Variants in TRPC6 observed in about 807,000 individuals in gnomAD.
TRPC6 encodes the protein short transient receptor potential channel 6.
In TRPC6, 55 loss-of-function variants were observed where a neutral mutation model predicts 90.7. That is an observed-to-expected ratio of 0.61 (90% CI 0.49 to 0.76). The LOEUF is 0.76. Ranked by LOEUF, TRPC6 falls within the 30% of genes least tolerant of loss-of-function variation. The pLI, the probability that TRPC6 is intolerant of heterozygous loss-of-function variation, is 0.00. For missense variants in TRPC6, 989 were observed against 1,122.7 expected (o/e 0.88, Z 1.70); for synonymous variants, 393 against 393.0 (o/e 1.00, Z 0.00).
At position 101,503,876 on chromosome 11, in the gene TRPC6, T is replaced by C. The variant is rs1438995703; in HGVS notation, c.945+148A>G. ...GTAGCGATCACAACTTTTGCTACAA[T>C]GATTATAATAAAGAGCTTGTTGAAT... On this transcript the variant is annotated intron_variant, in intron 2 of 12. Transcript: ENST00000344327. 4.0e-6 allele frequency: 4 copies of C among 998,818 alleles called. No homozygotes were observed. In the East Asian group the frequency reaches 7.5e-5, roughly 19 times the overall value. The allele number at this position is 998,818 out of a possible 1,614,324, so 61.9% of individuals were successfully genotyped here.
In TRPC6 at chr11:101,504,382, G is replaced by C; in HGVS notation, c.587C>G (p.Pro196Arg). 1.2e-6 allele frequency: 2 copies of C among 1,614,052 alleles called. No individual in the cohort carries two copies. The highest frequency in any genetic ancestry group is 1.7e-6 in the Non-Finnish European group (2 of 1,180,000). ...FAEGKRLATS[P>R]SQSELQQDDF... The stretch of plus-strand genomic sequence containing the variant: ...ATCTTGCTGGAGTTCAGACTGGCTA[G>C]GGCTGGTTGCTAACCTCTTGCCTTC... The change falls in exon 2 of 13, where the codon CCT becomes CGT. Residue 196 changes from proline to arginine, a missense_variant. By Grantham distance (103) the Pro-to-Arg change is moderately radical. Coordinates refer to ENST00000344327, the MANE Select transcript of TRPC6 (RefSeq NM_004621.6).
intron 1 of TRPC6, among the ~76,000 whole-genome samples, chr11:101,529,684 A>C (rs1860863647): frequency 6.6e-6 from 1 of 152,186 alleles, no homozygotes; most frequent in Non-Finnish European, 1.5e-5. Flanking sequence ...TGTTTTTATA[A>C]ATAATAAGTC....
chr11:101,555,470 T>C (rs1861541699), intron 1 of TRPC6, among the ~76,000 whole-genome samples: 1 of 152,224 alleles, frequency 6.6e-6, no homozygotes, highest in African/African-American at 2.4e-5. Context: ...TGAGCTGATA[T>C]ATTCTGCTCA....
chr11:101,548,198 C>G (rs893881919), intron 1 of TRPC6, among the ~76,000 whole-genome samples: 14 of 147,340 alleles, frequency 9.5e-5, no homozygotes, highest in Non-Finnish European at 1.6e-4. Context: ...GTATGCCAGG[C>G]ATTTAAAATT....
chr11:101,555,625 T>C (rs1482317281), intron 1 of TRPC6, among the ~76,000 whole-genome samples: 2 of 152,186 alleles, frequency 1.3e-5, no homozygotes, highest in African/African-American at 4.8e-5. Context: ...AACTTTATTT[T>C]TAGATGAACA....
intron 1 of TRPC6, among the ~76,000 whole-genome samples, chr11:101,574,067 T>C (rs749737193): frequency 1.3e-5 from 2 of 150,676 alleles, no homozygotes; most frequent in Non-Finnish European, 2.9e-5. Context: ...CTCTATGTAA[T>C]TGCAAACTCA....
intron 10 of TRPC6, among the ~76,000 whole-genome samples, chr11:101,457,229 T>C (rs1858904836): frequency 6.6e-6 from 1 of 152,164 alleles, no homozygotes; most frequent in Non-Finnish European, 1.5e-5. Flanking sequence ...CAAGCTTTGT[T>C]CCTAATATGG....
At chr11:101,456,381 G>A (rs1166320872) in intron 10 of TRPC6, among the ~76,000 whole-genome samples, 1 of 152,098 alleles carries the variant, frequency 6.6e-6, no homozygotes, top group Non-Finnish European at 1.5e-5. Context: ...ATAATATAAT[G>A]GGAACCCTGG....
intron 1 of TRPC6, among the ~76,000 whole-genome samples, chr11:101,554,404 AT>A (rs756007352): frequency 4.4e-5 from 5 of 113,908 alleles, no homozygotes; most frequent in Non-Finnish European, 8.7e-5. Context: ...AAGTAGAGCA[AT>A]AGTAAAAAAA....
intron 1 of TRPC6, among the ~76,000 whole-genome samples, chr11:101,563,558 A>C (rs1367825689): frequency 6.6e-6 from 1 of 152,052 alleles, no homozygotes; most frequent in Non-Finnish European, 1.5e-5. Context: ...TTTTTTATTA[A>C]TTTCTTGTTC....
chr11:101,560,988 A>G (rs1861699353), intron 1 of TRPC6, among the ~76,000 whole-genome samples: 1 of 152,214 alleles, frequency 6.6e-6, no homozygotes, highest in Non-Finnish European at 1.5e-5. Context: ...AGAGCATTCC[A>G]GTTTAATACC....
chr11:101,551,511 GA>G (rs78561503), intron 1 of TRPC6, among the ~76,000 whole-genome samples: 16,283 of 150,588 alleles, frequency 0.11, 1,627 homozygotes, highest in East Asian at 0.54. Flanking sequence ...ACATTCTTTA[GA>G]AAAAAAAACT....
intron 1 of TRPC6, among the ~76,000 whole-genome samples, chr11:101,571,061 G>A (rs986006453): frequency 2.6e-5 from 4 of 152,152 alleles, no homozygotes; most frequent in Non-Finnish European, 5.9e-5. Flanking sequence ...ATTCAATTTT[G>A]AAAACAGGAA....
At chr11:101,459,549 T>C (rs1858957475) in intron 10 of TRPC6, among the ~76,000 whole-genome samples, 2 of 152,232 alleles carry the variant, frequency 1.3e-5, no homozygotes, top group African/African-American at 4.8e-5. Context: ...AGTGTAACTC[T>C]CATTTACAAT....
At chr11:101,562,701 T>C (rs1009490443) in intron 1 of TRPC6, among the ~76,000 whole-genome samples, 3 of 152,156 alleles carry the variant, frequency 2.0e-5, no homozygotes, top group African/African-American at 7.2e-5. Flanking sequence ...CTGTGAAATA[T>C]GACATTGAAA....
intron 1 of TRPC6, among the ~76,000 whole-genome samples, chr11:101,533,474 C>T (rs1860959201): frequency 6.6e-6 from 1 of 152,166 alleles, no homozygotes; most frequent in Non-Finnish European, 1.5e-5. Context: ...AGGGATCTGC[C>T]ACCATGACCC....
At chr11:101,575,173 A>G (rs548729568) in intron 1 of TRPC6, among the ~76,000 whole-genome samples, 19 of 152,332 alleles carry the variant, frequency 1.2e-4, no homozygotes, top group African/African-American at 4.1e-4. Flanking sequence ...AACAACCTGC[A>G]TTATAGCATA....
intron 1 of TRPC6, among the ~76,000 whole-genome samples, chr11:101,573,004 T>C (rs1861997153): frequency 1.1e-5 from 1 of 92,456 alleles, no homozygotes; most frequent in Non-Finnish European, 2.5e-5. Flanking sequence ...ACTTAAAGTA[T>C]AATTAAAAAA....
chr11:101,502,443 C>G (rs945210789), intron 2 of TRPC6, among the ~76,000 whole-genome samples: 4 of 152,026 alleles, frequency 2.6e-5, no homozygotes, highest in Admixed American at 6.6e-5. Flanking sequence ...AGCAGGGACT[C>G]CAAAGATGTA....
Sources: allele counts gnomAD v4.1 joint callset (sites outside exome capture counted in the v4.1 genomes callset), GRCh38; gene constraint gnomAD v4.1.1; transcripts MANE v1.5; gene names NCBI Gene and HGNC (gene_info 2026-07-23, HGNC 2026-07-21).